Variants in FHIT observed in about 807,000 individuals in gnomAD.
FHIT encodes the protein bis(5'-adenosyl)-triphosphatase.
In FHIT, 19 loss-of-function variants were observed where a neutral mutation model predicts 17.9. The ratio of observed to expected loss-of-function variants is 1.06; its 90% CI spans 0.74 to 1.56. FHIT has a LOEUF of 1.56. FHIT is among the 40% of genes most tolerant of loss of function. The pLI is 0.00. For missense variants in FHIT, 248 were observed against 189.2 expected (o/e 1.31, Z -1.82); for synonymous variants, 81 against 69.7 (o/e 1.16, Z -0.81).
chr3:60,898,960 CT>C (rs1705966402), intron 3 of FHIT, among the ~76,000 whole-genome samples: 1 of 152,182 alleles, frequency 6.6e-6, no homozygotes, highest in African/African-American at 2.4e-5. Flanking sequence ...GAAATTTTTA[CT>C]TCAGGTTCTA....
chr3:61,189,281 C>T (rs1303248003), intron 2 of FHIT, among the ~76,000 whole-genome samples: 1 of 152,174 alleles, frequency 6.6e-6, no homozygotes, highest in Non-Finnish European at 1.5e-5. Flanking sequence ...CATTCTTATA[C>T]ACCAATAACA....
chr3:60,795,105 TCTTG>T, intron 4 of FHIT, among the ~76,000 whole-genome samples: 1 of 152,342 alleles, frequency 6.6e-6, no homozygotes, highest in South Asian at 2.1e-4. Context: ...ATGCTCTGCA[TCTTG>T]CTTTTTTTTC....
At chr3:60,705,237 A>T (rs1413914635) in intron 4 of FHIT, among the ~76,000 whole-genome samples, 2 of 152,164 alleles carry the variant, frequency 1.3e-5, no homozygotes, top group African/African-American at 4.8e-5. Flanking sequence ...CCATAATGGA[A>T]GCAGGATAAA....
At chr3:60,153,910 C>T (rs1700573404) in intron 5 of FHIT, among the ~76,000 whole-genome samples, 1 of 152,182 alleles carries the variant, frequency 6.6e-6, no homozygotes, top group South Asian at 2.1e-4. Flanking sequence ...ACAAGATAGA[C>T]ACTGCTTTTG....
At chr3:60,478,998 T>A (rs2033478916) in intron 5 of FHIT, among the ~76,000 whole-genome samples, 1 of 152,134 alleles carries the variant, frequency 6.6e-6, no homozygotes, top group Non-Finnish European at 1.5e-5. Context: ...CCATGGAACT[T>A]TTCTAAGGTT....
At chr3:60,250,220 C>A (rs1329353907) in intron 5 of FHIT, among the ~76,000 whole-genome samples, 1 of 152,078 alleles carries the variant, frequency 6.6e-6, no homozygotes, top group Non-Finnish European at 1.5e-5. Context: ...AAGATAGTTT[C>A]CAATTATCCT....
At chr3:60,410,995 G>T (rs953228020) in intron 5 of FHIT, among the ~76,000 whole-genome samples, 1 of 152,162 alleles carries the variant, frequency 6.6e-6, no homozygotes, top group South Asian at 2.1e-4. Flanking sequence ...AAAAATTGGA[G>T]TAGTGTGCCA....
At chr3:61,117,005 C>CA (rs1553846439) in intron 2 of FHIT, among the ~76,000 whole-genome samples, 3 of 152,064 alleles carry the variant, frequency 2.0e-5, no homozygotes. Context: ...AGTCATTAAA[C>CA]AAAATTATAA....
chr3:60,413,227 G>A (rs1702126334), intron 5 of FHIT, among the ~76,000 whole-genome samples: 1 of 152,060 alleles, frequency 6.6e-6, no homozygotes, highest in Admixed American at 6.5e-5. Context: ...TAGTCAGAAG[G>A]AAAATTTATT....
At chr3:60,809,776 T>C (rs1210951342) in intron 4 of FHIT, among the ~76,000 whole-genome samples, 3 of 152,110 alleles carry the variant, frequency 2.0e-5, no homozygotes, top group African/African-American at 7.2e-5. Flanking sequence ...GTGAGCAGGG[T>C]TGATGATAAC....
At position 60,094,849 on chromosome 3, in the gene FHIT, GAAA is replaced by G. The variant is rs763076752; in HGVS notation, c.104-80700_104-80698del. Among the ~76,000 whole-genome samples the G allele has an allele frequency of 7.7e-4, 114 of 148,658 alleles. 1 individual carries two copies. The highest frequency in any genetic ancestry group is 1.4e-3 in the Admixed American group (21 of 14,946). ...AGAGAGAGAGAAGGAGAGAGGGAGA[GAAA>G]AAAAAAGACAACACTGCAAAAGGAA... On this transcript the variant is annotated intron_variant, in intron 5 of 9. Transcript: ENST00000492590.
intron 7 of FHIT, among the ~76,000 whole-genome samples, chr3:59,961,189 G>C (rs1020211922): frequency 1.3e-5 from 2 of 152,022 alleles, no homozygotes; most frequent in South Asian, 2.1e-4. Flanking sequence ...TCTCATCTTC[G>C]ATCTTACTGC....
intron 2 of FHIT, among the ~76,000 whole-genome samples, chr3:61,122,126 A>C (rs2036476241): frequency 6.6e-6 from 1 of 152,248 alleles, no homozygotes; most frequent in Non-Finnish European, 1.5e-5. Context: ...TACAGTAACC[A>C]AAACAGCATG....
intron 8 of FHIT, among the ~76,000 whole-genome samples, chr3:59,872,527 T>A (rs556813702): frequency 2.0e-5 from 3 of 152,208 alleles, no homozygotes; most frequent in South Asian, 2.1e-4. Flanking sequence ...GGAATGGCCT[T>A]TTCTGAGAAC....
intron 3 of FHIT, among the ~76,000 whole-genome samples, chr3:60,860,761 GA>G (rs374974368): frequency 0.45 from 3,089 of 6,792 alleles, 1,125 homozygotes; most frequent in Middle Eastern, 1. Flanking sequence ...AGGTATATAT[GA>G]TACATATGTA....
In FHIT at chr3:59,998,419, A is replaced by G. The variant is rs1699601232; in HGVS notation, c.279+12952T>C. On this transcript the variant is annotated intron_variant, in intron 7 of 9. Transcript: ENST00000492590. ...AATATTGCCTAGTAAGCCACCAGAG[A>G]GGAAAAGCCTAGAAAAGGCAGAGAC... Among the ~76,000 whole-genome samples, 3 of 152,250 alleles carry G rather than the reference A, an allele frequency of 2.0e-5. No individual in the cohort carries two copies. In the South Asian group the frequency reaches 6.2e-4, roughly 32 times the overall value.
At chr3:60,563,013 T>C (rs2037004866) in intron 4 of FHIT, among the ~76,000 whole-genome samples, 1 of 152,204 alleles carries the variant, frequency 6.6e-6, no homozygotes, top group African/African-American at 2.4e-5. Context: ...ATTTAAATTT[T>C]ATCCCTATAA....
At chr3:59,804,615 T>G (rs1189125038) in intron 8 of FHIT, among the ~76,000 whole-genome samples, 1 of 152,218 alleles carries the variant, frequency 6.6e-6, no homozygotes. Context: ...ACTGGGTGTA[T>G]GCCCTATGTA....
intron 8 of FHIT, among the ~76,000 whole-genome samples, chr3:59,891,400 G>T (rs1397663382): frequency 1.3e-5 from 2 of 152,246 alleles, no homozygotes; most frequent in African/African-American, 4.8e-5. Context: ...CGGGGCTCCA[G>T]TGAGAAGAAT....
Sources: allele counts gnomAD v4.1 joint callset (sites outside exome capture counted in the v4.1 genomes callset), GRCh38; gene constraint gnomAD v4.1.1; transcripts MANE v1.5; gene names NCBI Gene and HGNC (gene_info 2026-07-23, HGNC 2026-07-21).